Variants in CEP57L1 observed in about 807,000 individuals in gnomAD.
CEP57L1 encodes centrosomal protein 57 like 1.
A neutral mutation model predicts 61.0 loss-of-function variants in CEP57L1; 37 were observed. The ratio of observed to expected loss-of-function variants is 0.61; its 90% CI spans 0.47 to 0.80. CEP57L1 has a LOEUF of 0.80. Among genes scored for constraint, CEP57L1 ranks in the 30% least tolerant of loss-of-function variants. CEP57L1 has a pLI of 0.00. For missense variants in CEP57L1, 422 were observed against 524.7 expected (o/e 0.80, Z 1.91); for synonymous variants, 137 against 162.3 (o/e 0.84, Z 1.19).
rs759459204 is a variant in CEP57L1 at position 109,150,203 on chromosome 6, C to A, written c.426C>A (p.Asn142Lys). 1 of 1,606,270 alleles carries A rather than the reference C, an allele frequency of 6.2e-7. No individual in the cohort carries two copies. The highest frequency in any genetic ancestry group is 8.5e-7 in the Non-Finnish European group (1 of 1,173,418). The part of the protein sequence containing the change: ...QLEYTKRMVL[N>K]VEREKNMILE... ...AATATACAAAGAGAATGGTTCTCAA[C>A]GTAGAGCGAGAAAAGAACATGATCC... The change falls in exon 4 of 11, where the codon AAC becomes AAA. Residue 142 changes from asparagine (N) to lysine (K), a missense_variant. Coordinates refer to ENST00000517392, the MANE Select transcript of CEP57L1 (RefSeq NM_001271852.3).
chr6:109,136,704 TA>T (rs1770752826), intron 1 of CEP57L1, among the ~76,000 whole-genome samples: 4 of 62,050 alleles, frequency 6.4e-5, no homozygotes, highest in South Asian at 9.9e-4. Flanking sequence ...CTTGTATTTT[TA>T]TTTTATTTTA....
At chr6:109,101,878 CAA>C (rs1233508834) in intron 1 of CEP57L1, among the ~76,000 whole-genome samples, 1 of 151,950 alleles carries the variant, frequency 6.6e-6, no homozygotes, top group Non-Finnish European at 1.5e-5. Context: ...CTCGGCCTCC[CAA>C]AGTGCTGGGA....
intron 1 of CEP57L1, among the ~76,000 whole-genome samples, chr6:109,135,419 T>C (rs1297170289): frequency 2.0e-5 from 3 of 152,314 alleles, no homozygotes; most frequent in Admixed American, 6.5e-5. Context: ...TAATTCAAGA[T>C]GGGTTAAAGA....
upstream of CEP57L1, chr6:109,095,499 G>A: frequency 7.1e-6 from 7 of 985,860 alleles, no homozygotes; most frequent in Non-Finnish European, 8.4e-6. Flanking sequence ...ACCCCCAGGG[G>A]CCACCGCGAC....
intron 3 of CEP57L1, among the ~76,000 whole-genome samples, chr6:109,149,800 A>G (rs1174635283): frequency 2.0e-5 from 3 of 152,114 alleles, no homozygotes; most frequent in Non-Finnish European, 2.9e-5. Context: ...TTCATTGAGC[A>G]GTGGTTTGTA....
chr6:109,131,740 G>A (rs1774227920), intron 1 of CEP57L1, among the ~76,000 whole-genome samples: 1 of 151,916 alleles, frequency 6.6e-6, no homozygotes, highest in South Asian at 2.1e-4. Flanking sequence ...GAAAATACAA[G>A]CCTGTAAATA....
chr6:109,136,825 G>A (rs919923803), intron 1 of CEP57L1, among the ~76,000 whole-genome samples: 3 of 151,066 alleles, frequency 2.0e-5, no homozygotes, highest in African/African-American at 4.9e-5. Context: ...GCACAATCTC[G>A]GCTCACTGCA....
rs1194931571 is a variant in CEP57L1 at position 109,170,238 on chromosome 6, TAAAG to T, written c.*7276_*7279del. Among the ~76,000 whole-genome samples the T allele has an allele frequency of 6.6e-6, 1 of 152,114 alleles. No homozygotes were observed. The highest frequency in any genetic ancestry group is 2.4e-5 in the African/African-American group (1 of 41,434). On this transcript the variant is annotated 3_prime_UTR_variant, in exon 11 of 11. Transcript: ENST00000517392. ...AATTACTAAAGTTAACCTAAACAATTAAAGAAAGAAATCTTAGTCTTTAAGAACA... is the reference window on the plus strand; with the variant it reads ...AATTACTAAAGTTAACCTAAACAATTAAAGAAATCTTAGTCTTTAAGAACA...
At chr6:109,104,094 G>C (rs1449521781) in intron 1 of CEP57L1, among the ~76,000 whole-genome samples, 1 of 145,548 alleles carries the variant, frequency 6.9e-6, no homozygotes, top group Non-Finnish European at 1.5e-5. Context: ...AAGTGCTCTT[G>C]GCACAGTCAT....
intron 1 of CEP57L1, among the ~76,000 whole-genome samples, chr6:109,109,907 T>C (rs1300066532): frequency 6.6e-6 from 1 of 152,222 alleles, no homozygotes; most frequent in Non-Finnish European, 1.5e-5. Flanking sequence ...CCATGGTGTA[T>C]ACGTGCCACA....
intron 1 of CEP57L1, among the ~76,000 whole-genome samples, chr6:109,113,978 A>G (rs528708003): frequency 1.3e-5 from 2 of 152,228 alleles, no homozygotes; most frequent in South Asian, 4.1e-4. Flanking sequence ...TTGTTTGTAT[A>G]TATTTCTTGG....
Position 109,125,480 on chromosome 6 carries a change from A to G in CEP57L1, c.-3-19739A>G, listed in dbSNP as rs1243648912. 2.0e-5 allele frequency among the ~76,000 whole-genome samples: 3 copies of G among 148,992 alleles called. No individual in the cohort carries two copies. The East Asian group carries it at 5.8e-4, about 29-fold the overall frequency. ...TGTAGCAACTAATCTGAGTGCCATTAGTTTTTAAATGCTATATATATATAT... is the reference window on the plus strand; with the variant it reads ...TGTAGCAACTAATCTGAGTGCCATTGGTTTTTAAATGCTATATATATATAT... On this transcript the variant is annotated intron_variant, in intron 1 of 10. Coordinates refer to ENST00000517392, the MANE Select transcript of CEP57L1 (RefSeq NM_001271852.3).
chr6:109,128,487 G>T (rs78662936), intron 1 of CEP57L1, among the ~76,000 whole-genome samples: 11,948 of 151,924 alleles, frequency 0.079, 645 homozygotes, highest in Middle Eastern at 0.2. Flanking sequence ...CTCTTAATTT[G>T]TCCATCTGCC....
intron 1 of CEP57L1, among the ~76,000 whole-genome samples, chr6:109,139,636 C>T: frequency 6.6e-6 from 1 of 151,996 alleles, no homozygotes; most frequent in East Asian, 1.9e-4. Context: ...CAGGCGCCTG[C>T]CACCACGCTC....
intron 1 of CEP57L1, among the ~76,000 whole-genome samples, chr6:109,106,522 C>T (rs1271308853): frequency 6.6e-6 from 1 of 152,074 alleles, no homozygotes; most frequent in Non-Finnish European, 1.5e-5. Flanking sequence ...TTAAAGTTGT[C>T]ATTTTTTATA....
At position 109,171,666 on chromosome 6, in the gene CEP57L1, T is replaced by C. The variant is rs190056955; in HGVS notation, c.*8696T>C. ...ATTTAGGAGTTTATATGCAAAGAAG[T>C]CTTGCAAGGGAGTACAAGCTTTAGG... On this transcript the variant is annotated 3_prime_UTR_variant, in exon 11 of 11. Transcript: ENST00000517392. 2.6e-5 allele frequency among the ~76,000 whole-genome samples: 4 copies of C among 152,244 alleles called. No individual in the cohort carries two copies. Among genetic ancestry groups the C allele is most frequent in the South Asian group, 4.1e-4 (2 of 4,826 alleles).
intron 7 of CEP57L1, 183 bp from the exon 8 acceptor site, chr6:109,158,842 T>TAAGA: frequency 1.6e-6 from 1 of 620,244 alleles, no homozygotes. Flanking sequence ...TTTCCATAAT[T>TAAGA]AATGATGTTG....
rs113248477 is a variant in CEP57L1 at position 109,173,424 on chromosome 6, C to CT, written c.*10470dup. ...CCCCCTCAGCCCGCCCCCTACCTTTCTTTTTTTTTTTTTTTTCTTTTCAGG... is the reference window on the plus strand; with the variant it reads ...CCCCCTCAGCCCGCCCCCTACCTTTCTTTTTTTTTTTTTTTTTCTTTTCAGG... On this transcript the variant is annotated 3_prime_UTR_variant, in exon 11 of 11. Transcript: ENST00000517392. Among the ~76,000 whole-genome samples the CT allele has an allele frequency of 6.1e-3, 820 of 133,642 alleles. 7 individuals are homozygous for CT. Among genetic ancestry groups the CT allele is most frequent in the East Asian group, 0.051 (237 of 4,652 alleles). The allele number at this position is 133,642 out of a possible 152,430, so 87.7% of individuals were successfully genotyped here.
intron 1 of CEP57L1, among the ~76,000 whole-genome samples, chr6:109,102,353 C>A (rs1317658366): frequency 6.6e-6 from 1 of 152,168 alleles, no homozygotes; most frequent in Non-Finnish European, 1.5e-5. Flanking sequence ...CACCTCCACG[C>A]TCAGCTTACT....
Sources: gnomAD v4.1 joint callset for allele counts (sites outside exome capture counted in the v4.1 genomes callset) on GRCh38, gnomAD v4.1.1 for gene constraint, MANE v1.5 for transcripts, NCBI Gene and HGNC (gene_info 2026-07-23, HGNC 2026-07-21) for gene names.